The following SDK1 variants were observed in gnomAD, a reference collection of about 807,000 sequenced individuals.
The protein encoded by SDK1 is sidekick cell adhesion molecule 1.
A neutral mutation model predicts 245.5 loss-of-function variants in SDK1; 157 were observed. That is an observed-to-expected ratio of 0.64 (90% confidence interval 0.56 to 0.73). SDK1 has a LOEUF of 0.73. SDK1 is among the 30% of genes least tolerant of loss of function. The pLI, the probability that SDK1 is intolerant of heterozygous loss-of-function variation, is 0.00. For synonymous variants in SDK1, 1,647 were observed against 1,278.5 expected, an observed-to-expected ratio of 1.29 and a Z score of -6.15; for missense variants, 3,583 against 3,002.3, an observed-to-expected ratio of 1.19 and a Z score of -4.52.
At chr7:3,534,084 T>C (rs1168425712) in intron 1 of SDK1, among the ~76,000 whole-genome samples, 1 of 152,170 alleles carries the variant, frequency 6.6e-6, no homozygotes, top group African/African-American at 2.4e-5. Context: ...CTGCCCGACA[T>C]TGTTCTGTTC....
At chr7:3,911,263 A>G (rs1415893316) in intron 5 of SDK1, among the ~76,000 whole-genome samples, 1 of 152,106 alleles carries the variant, frequency 6.6e-6, no homozygotes, top group African/African-American at 2.4e-5. Context: ...TGTCCTCTAG[A>G]TCCTGTACCC....
At chr7:3,858,243 CA>C (rs942667750) in intron 5 of SDK1, among the ~76,000 whole-genome samples, 8 of 151,986 alleles carry the variant, frequency 5.3e-5, no homozygotes, top group Non-Finnish European at 1.2e-4. Flanking sequence ...AATATGATAT[CA>C]TTTTTTTAAA....
At chr7:3,319,868 C>T (rs1301049308) in intron 1 of SDK1, among the ~76,000 whole-genome samples, 1 of 59,824 alleles carries the variant, frequency 1.7e-5, no homozygotes, top group East Asian at 4.9e-4. Context: ...ATATCTAACC[C>T]ATTCTTAGTC....
At chr7:3,605,881 C>G (rs966422857) in intron 1 of SDK1, among the ~76,000 whole-genome samples, 2 of 151,070 alleles carry the variant, frequency 1.3e-5, no homozygotes, top group Non-Finnish European at 3.0e-5. Flanking sequence ...TGTTTCATGT[C>G]TTTGACAAAA....
At chr7:3,907,741 G>T (rs1415349531) in intron 5 of SDK1, among the ~76,000 whole-genome samples, 1 of 152,176 alleles carries the variant, frequency 6.6e-6, no homozygotes, top group Non-Finnish European at 1.5e-5. Context: ...GGTGGTGAGG[G>T]TCTTACATCA....
rs529677020 is a variant in SDK1 at position 3,996,469 on chromosome 7, C to T, written c.2131+9147C>T. Among the ~76,000 whole-genome samples the T allele has an allele frequency of 1.9e-3, 294 of 152,248 alleles. 1 individual carries two copies. The highest frequency in any genetic ancestry group is 6.6e-3 in the African/African-American group (276 of 41,558). On this transcript the variant is annotated intron_variant, in intron 14 of 44. Coordinates refer to ENST00000404826, the MANE Select transcript of SDK1 (RefSeq NM_152744.4). ...TAAATTGTTTTATGAGAAGTGACTT[C>T]TTAGTAATTCTGGTTTTCCGTCCAG...
At chr7:3,806,975 A>T (rs1287382519) in intron 4 of SDK1, among the ~76,000 whole-genome samples, 2 of 152,154 alleles carry the variant, frequency 1.3e-5, no homozygotes. Context: ...AGACTTTCTC[A>T]AAACGGCCCT....
At chr7:4,205,791 A>G (rs1784182042) in intron 35 of SDK1, 88 bp from the exon 36 acceptor site, 8 of 1,068,858 alleles carry the variant, frequency 7.5e-6, no homozygotes, top group Non-Finnish European at 8.4e-6. Context: ...GAATTAGGGC[A>G]TGCTCGAGCC....
chr7:3,706,232 G>T (rs372463689), intron 4 of SDK1, among the ~76,000 whole-genome samples: 45 of 152,122 alleles, frequency 3.0e-4, no homozygotes, highest in African/African-American at 8.4e-4. Context: ...TTTATTTTTT[G>T]TTGCTGTTAT....
At chr7:4,009,132 G>A (rs1335426652) in intron 14 of SDK1, among the ~76,000 whole-genome samples, 2 of 152,138 alleles carry the variant, frequency 1.3e-5, no homozygotes, top group South Asian at 2.1e-4. Flanking sequence ...CAATATCATT[G>A]TGGTTCTGTT....
intron 1 of SDK1, among the ~76,000 whole-genome samples, chr7:3,339,643 AAAT>A (rs201284484): frequency 6.8e-6 from 1 of 146,016 alleles, no homozygotes; most frequent in Non-Finnish European, 1.5e-5. Flanking sequence ...ACACATTTAT[AAAT>A]AATTCATACG....
At chr7:3,963,080 A>G (rs1781831066) in intron 9 of SDK1, among the ~76,000 whole-genome samples, 2 of 136,322 alleles carry the variant, frequency 1.5e-5, no homozygotes, top group Non-Finnish European at 3.1e-5. Context: ...ACTCAGCCCC[A>G]TGGCTACCTG....
chr7:3,803,394 T>G (rs1275820988), intron 4 of SDK1, among the ~76,000 whole-genome samples: 1 of 151,248 alleles, frequency 6.6e-6, no homozygotes, highest in Non-Finnish European at 1.5e-5. Context: ...CACTGCAACC[T>G]CCACCTCTGA....
intron 5 of SDK1, among the ~76,000 whole-genome samples, chr7:3,910,644 T>C (rs1779131730): frequency 6.6e-6 from 1 of 152,134 alleles, no homozygotes; most frequent in East Asian, 1.9e-4. Flanking sequence ...CTGCCCAGGC[T>C]CCGGTGATTG....
chr7:4,065,714 T>TG (rs1779851423), intron 19 of SDK1, among the ~76,000 whole-genome samples: 1 of 143,486 alleles, frequency 7.0e-6, no homozygotes, highest in African/African-American at 2.6e-5. Context: ...TTTTTTTTTT[T>TG]TTTTTTTTTT....
At chr7:4,258,353 G>A (rs1313163910) in intron 44 of SDK1, among the ~76,000 whole-genome samples, 1 of 152,186 alleles carries the variant, frequency 6.6e-6, no homozygotes, top group Non-Finnish European at 1.5e-5. Flanking sequence ...GGGGTGGGCA[G>A]GGGTGTACAC....
intron 1 of SDK1, among the ~76,000 whole-genome samples, chr7:3,610,100 A>G (rs1289695267): frequency 6.6e-6 from 1 of 152,210 alleles, no homozygotes. Context: ...TAACTTTGCT[A>G]AAATCAATAA....
At chr7:3,816,919 T>TTAATGTAC (rs1023207480) in intron 4 of SDK1, among the ~76,000 whole-genome samples, 3 of 152,178 alleles carry the variant, frequency 2.0e-5, no homozygotes, top group African/African-American at 7.2e-5. Context: ...TGACCTTCTG[T>TTAATGTAC]TAATGTACTT....
At chr7:3,631,270 G>T (rs183736291) in intron 2 of SDK1, among the ~76,000 whole-genome samples, 78 of 152,014 alleles carry the variant, frequency 5.1e-4, no homozygotes, top group Non-Finnish European at 9.4e-4. Context: ...TTAATCTATT[G>T]AGCTCTCTCT....
Sources: allele counts gnomAD v4.1 joint callset (sites outside exome capture counted in the v4.1 genomes callset), GRCh38; gene constraint gnomAD v4.1.1; transcripts MANE v1.5; gene names NCBI Gene and HGNC (gene_info 2026-07-23, HGNC 2026-07-21).